The following TEKTL1 variants were observed in gnomAD, a reference collection of about 807,000 sequenced individuals.
TEKTL1 encodes the protein tektin like 1.
At chr19:15,013,809 T>C in the TEKTL1 span, 3 of 1,427,942 alleles carry the variant, frequency 2.1e-6, no homozygotes, top group Non-Finnish European at 2.9e-6. Context: ...TTACGGGGGC[T>C]GGAGGGGGAT....
At chr19:15,023,087 C>T in the TEKTL1 span, 45 of 1,608,180 alleles carry the variant, frequency 2.8e-5, no homozygotes, top group Non-Finnish European at 3.7e-5. Context: ...GCGCACGCCG[C>T]CGCCGCGCAG....
the TEKTL1 span, chr19:15,021,429 C>G: frequency 3.0e-5 from 48 of 1,614,120 alleles, no homozygotes; most frequent in Middle Eastern, 3.3e-4. Flanking sequence ...TGGCAAAGAA[C>G]GAGGTGGACG....
the TEKTL1 span, among the ~76,000 whole-genome samples, chr19:15,015,457 C>A: frequency 1.3e-5 from 2 of 152,188 alleles, no homozygotes; most frequent in Non-Finnish European, 2.9e-5. Context: ...CCTGTGCCTT[C>A]CTTGCTCTAC....
chr19:15,021,888 C>A, the TEKTL1 span: 1 of 1,613,988 alleles, frequency 6.2e-7, no homozygotes, highest in Admixed American at 1.7e-5. Context: ...CACGTGGGCA[C>A]CCAACTCCCG....
At chr19:15,012,065 G>A in the TEKTL1 span, among the ~76,000 whole-genome samples, 3 of 151,428 alleles carry the variant, frequency 2.0e-5, no homozygotes, top group Admixed American at 6.6e-5. Flanking sequence ...AGACCAGCCT[G>A]AGCAACATAG....
chr19:15,015,581 C>T, the TEKTL1 span, among the ~76,000 whole-genome samples: 3 of 152,176 alleles, frequency 2.0e-5, no homozygotes, highest in East Asian at 1.9e-4. Context: ...TCTCTCTTGG[C>T]TCATTGTCAC....
At chr19:15,013,843 C>T in the TEKTL1 span, 19 of 916,824 alleles carry the variant, frequency 2.1e-5, no homozygotes, top group Non-Finnish European at 3.3e-5. Flanking sequence ...ATGGACAAAC[C>T]ACTCTGACCT....
chr19:15,020,323 TGA>T, the TEKTL1 span: 1 of 639,130 alleles, frequency 1.6e-6, no homozygotes, highest in Non-Finnish European at 2.5e-6. Flanking sequence ...AAAAAAAAAA[TGA>T]GAGTGTCAGT....
chr19:15,021,723 G>A, the TEKTL1 span: 1 of 1,613,840 alleles, frequency 6.2e-7, no homozygotes, highest in South Asian at 1.1e-5. Context: ...TACGGTTCGG[G>A]GTGAGAGCCT....
the TEKTL1 span, among the ~76,000 whole-genome samples, chr19:15,012,025 G>A: frequency 6.6e-6 from 1 of 152,040 alleles, no homozygotes; most frequent in African/African-American, 2.4e-5. Flanking sequence ...GGATGCCGAT[G>A]CGGGAGGATT....
At chr19:15,022,384 A>AGT in the TEKTL1 span, among the ~76,000 whole-genome samples, 2 of 152,108 alleles carry the variant, frequency 1.3e-5, no homozygotes, top group Non-Finnish European at 2.9e-5. Context: ...GCTGGAGTGC[A>AGT]GTGGTGCAAT....
chr19:15,016,642 A>C, the TEKTL1 span, among the ~76,000 whole-genome samples: 1 of 152,222 alleles, frequency 6.6e-6, no homozygotes, highest in Middle Eastern at 3.2e-3. Context: ...TATTCAGAGA[A>C]AGAAGCTGGA....
the TEKTL1 span, chr19:15,021,235 C>A: frequency 7.5e-7 from 1 of 1,340,890 alleles, no homozygotes; most frequent in East Asian, 2.5e-5. Flanking sequence ...GACTTTCACC[C>A]AGTTCCTCAA....
the TEKTL1 span, chr19:15,023,239 G>A: frequency 7.2e-6 from 6 of 837,732 alleles, no homozygotes; most frequent in South Asian, 1.8e-5. Flanking sequence ...GCACCCTCTA[G>A]GAGAATTATA....
the TEKTL1 span, among the ~76,000 whole-genome samples, chr19:15,017,981 G>A: frequency 6.6e-6 from 1 of 152,110 alleles, no homozygotes; most frequent in Non-Finnish European, 1.5e-5. Flanking sequence ...GATCACTTGA[G>A]CCCAGGAGTT....
At chr19:15,023,123 C>A in the TEKTL1 span, 3 of 1,578,090 alleles carry the variant, frequency 1.9e-6, no homozygotes, top group Admixed American at 3.6e-5. Flanking sequence ...CCCCTAGTGA[C>A]CCCAGCGTCC....
At chr19:15,022,475 CGCG>C in the TEKTL1 span, among the ~76,000 whole-genome samples, 1 of 151,910 alleles carries the variant, frequency 6.6e-6, no homozygotes, top group Non-Finnish European at 1.5e-5. Context: ...ATTACAGGTG[CGCG>C]CCACCACACC....
the TEKTL1 span, chr19:15,022,931 G>C: frequency 6.2e-7 from 1 of 1,610,442 alleles, no homozygotes; most frequent in Non-Finnish European, 8.5e-7. Flanking sequence ...CGAGCTGCTC[G>C]CCACGCACAA....
the TEKTL1 span, chr19:15,013,902 C>T: frequency 1.6e-6 from 1 of 632,174 alleles, no homozygotes; most frequent in African/African-American, 1.8e-5. Context: ...ACCAGATATT[C>T]ACTGCATTTT....
Sources: gnomAD v4.1 joint callset for allele counts (sites outside exome capture counted in the v4.1 genomes callset) on GRCh38, gnomAD v4.1.1 for gene constraint, MANE v1.5 for transcripts, NCBI Gene and HGNC (gene_info 2026-07-23, HGNC 2026-07-21) for gene names.